The following GIPC2 variants were observed in gnomAD, a reference collection of about 807,000 sequenced individuals.
GIPC2 encodes PDZ domain-containing protein GIPC2.
Under a neutral mutation model 30.6 loss-of-function variants are expected in GIPC2, and 30 were observed. The ratio of observed to expected loss-of-function variants is 0.98; its 90% CI spans 0.73 to 1.33. The LOEUF (loss-of-function observed/expected upper bound fraction) is 1.33, where lower values mean the gene tolerates loss of function less well. Ranked by LOEUF, GIPC2 falls within the 40% of genes most tolerant of loss-of-function variation. The pLI is 0.00. For synonymous variants in GIPC2, 167 were observed against 150.0 expected, an observed-to-expected ratio of 1.11 and a Z score of -0.83; for missense variants, 414 against 390.3, an observed-to-expected ratio of 1.06 and a Z score of -0.51.
intron 3 of GIPC2, among the ~76,000 whole-genome samples, chr1:78,109,919 C>T (rs1319131191): frequency 6.6e-6 from 1 of 152,012 alleles, no homozygotes; most frequent in Non-Finnish European, 1.5e-5. Flanking sequence ...CCATCATTCT[C>T]AGCAAACTGT....
chr1:78,046,287 G>T lies in GIPC2; in HGVS notation c.193G>T (p.Glu65Ter), dbSNP rs1260779770. 1 of 1,612,040 alleles carries T rather than the reference G, an allele frequency of 6.2e-7. No homozygotes were observed. Among genetic ancestry groups the T allele is most frequent in the Non-Finnish European group, 8.5e-7 (1 of 1,179,572 alleles). Residue 65 changes from glutamate (E) to a stop codon, truncating the protein, a stop_gained, in exon 1 of 6, where the codon GAG becomes TAG. Coordinates refer to ENST00000370759, the MANE Select transcript of GIPC2 (RefSeq NM_017655.6). LOFTEE classifies it high-confidence loss of function. ...AGTGGAGGGCTTCTCCAGCATCCAG[G>T]AGCTCTACGCCCAGATCGCGGGCGC... Reference protein sequence around the residue: ...GRVEGFSSIQELYAQIAGAFE... With the variant: ...GRVEGFSSIQ
chr1:78,067,655 G>A (rs952101248), intron 1 of GIPC2, among the ~76,000 whole-genome samples: 3 of 152,134 alleles, frequency 2.0e-5, no homozygotes, highest in Non-Finnish European at 4.4e-5. Context: ...GTTTCACCAT[G>A]TTGGCCATGG....
intron 1 of GIPC2, among the ~76,000 whole-genome samples, chr1:78,075,238 T>G (rs1182509989): frequency 3.3e-5 from 5 of 152,184 alleles, no homozygotes; most frequent in Non-Finnish European, 7.3e-5. Flanking sequence ...GGAGGATCGC[T>G]TAGGCCCACA....
chr1:78,113,003 C>G lies in GIPC2; in HGVS notation c.608-6390C>G, dbSNP rs368103712. Among the ~76,000 whole-genome samples, 45 of 152,222 alleles carry G rather than the reference C, an allele frequency of 3.0e-4. No individual in the cohort carries two copies. In the South Asian group the frequency reaches 8.9e-3, roughly 30 times the overall value. On this transcript the variant is annotated intron_variant, in intron 3 of 5. Coordinates refer to ENST00000370759, the MANE Select transcript of GIPC2 (RefSeq NM_017655.6). ...ATGTAAGAAACCGGCACTCGTACTC[C>G]CGACATGAAAACTAAAAATCAATGT...
intron 2 of GIPC2, among the ~76,000 whole-genome samples, chr1:78,087,502 C>T (rs1661952821): frequency 6.6e-6 from 1 of 152,128 alleles, no homozygotes; most frequent in African/African-American, 2.4e-5. Context: ...GGGGAAGACT[C>T]CCTATTTAAT....
At chr1:78,094,047 A>G (rs1200825126) in intron 2 of GIPC2, among the ~76,000 whole-genome samples, 1 of 152,208 alleles carries the variant, frequency 6.6e-6, no homozygotes, top group Non-Finnish European at 1.5e-5. Context: ...TTGGGGTCCT[A>G]CATTCTGTTC....
chr1:78,052,267 G>A (rs527817071), intron 1 of GIPC2, among the ~76,000 whole-genome samples: 2 of 152,196 alleles, frequency 1.3e-5, no homozygotes, highest in African/African-American at 2.4e-5. Flanking sequence ...TTTCTCCGTA[G>A]CATACTATCC....
chr1:78,094,412 C>A (rs1050493402), intron 2 of GIPC2, among the ~76,000 whole-genome samples: 2 of 152,218 alleles, frequency 1.3e-5, no homozygotes, highest in African/African-American at 2.4e-5. Flanking sequence ...TTGAATCTGG[C>A]AAATTACTTG....
chr1:78,057,260 C>T (rs1661314199), intron 1 of GIPC2, among the ~76,000 whole-genome samples: 1 of 152,142 alleles, frequency 6.6e-6, no homozygotes, highest in Non-Finnish European at 1.5e-5. Flanking sequence ...TACGGTGAAG[C>T]AACTGTGTTT....
Position 78,135,829 on chromosome 1 carries a change from C to T in GIPC2, c.*86C>T, listed in dbSNP as rs1042765650. Reference sequence around the variant, plus strand: ...GTCCTATAAGATCTGTTTTTGGACACCTTTACTAACTCTGGTTTAATTTCA... The same window carrying T: ...GTCCTATAAGATCTGTTTTTGGACATCTTTACTAACTCTGGTTTAATTTCA... On this transcript the variant is annotated 3_prime_UTR_variant, in exon 6 of 6. Transcript: ENST00000370759. The T allele has an allele frequency of 5.0e-6, 5 of 1,001,582 alleles. No individual in the cohort carries two copies. In the African/African-American group the frequency reaches 8.3e-5, roughly 17 times the overall value. 62.0% of individuals were successfully genotyped at this position (1,001,582 alleles called of 1,614,324 possible). A position where few individuals can be genotyped will look rare whatever the true frequency, so the allele number is the denominator to read the frequency against.
intron 1 of GIPC2, among the ~76,000 whole-genome samples, chr1:78,067,211 A>G (rs1311385619): frequency 6.6e-6 from 1 of 152,058 alleles, no homozygotes; most frequent in Admixed American, 6.6e-5. Context: ...TCAGATGGGG[A>G]GGAGGGTTTC....
At chr1:78,122,618 G>C (rs1399278499) in intron 4 of GIPC2, among the ~76,000 whole-genome samples, 2 of 152,158 alleles carry the variant, frequency 1.3e-5, no homozygotes, top group African/African-American at 4.8e-5. Flanking sequence ...CACGAGAACA[G>C]CCTGGGGGAA....
chr1:78,079,380 T>G (rs967061098), intron 1 of GIPC2, among the ~76,000 whole-genome samples: 1 of 152,224 alleles, frequency 6.6e-6, no homozygotes, highest in African/African-American at 2.4e-5. Flanking sequence ...GCTCTTCTGA[T>G]TCAGACACAT....
chr1:78,125,115 C>T (rs912664519), intron 4 of GIPC2, among the ~76,000 whole-genome samples: 5 of 152,146 alleles, frequency 3.3e-5, no homozygotes, highest in Non-Finnish European at 5.9e-5. Context: ...ACTACAGCCT[C>T]GTCATCCTGG....
At chr1:78,132,483 A>G (rs1662917592) in intron 5 of GIPC2, among the ~76,000 whole-genome samples, 1 of 152,148 alleles carries the variant, frequency 6.6e-6, no homozygotes, top group Admixed American at 6.5e-5. Context: ...GGGCATCTTG[A>G]AGCAGCATTT....
At chr1:78,100,337 G>C (rs1662217837) in intron 3 of GIPC2, among the ~76,000 whole-genome samples, 1 of 152,196 alleles carries the variant, frequency 6.6e-6, no homozygotes, top group South Asian at 2.1e-4. Flanking sequence ...GGTAAGCCCT[G>C]TAAGTCAGGG....
chr1:78,087,707 G>A (rs1661956322), intron 2 of GIPC2, among the ~76,000 whole-genome samples: 1 of 152,152 alleles, frequency 6.6e-6, no homozygotes, highest in Non-Finnish European at 1.5e-5. Flanking sequence ...AATGGGCAAA[G>A]ATTTCATGAC....
At position 78,046,107 on chromosome 1, in the gene GIPC2, C is replaced by G; in HGVS notation, c.13C>G (p.Leu5Val). 6.8e-7 allele frequency: 1 copy of G among 1,474,988 alleles called. No individual in the cohort carries two copies. Among genetic ancestry groups the G allele is most frequent in the Non-Finnish European group, 8.9e-7 (1 of 1,117,412 alleles). The allele number at this position is 1,474,988 out of a possible 1,614,324, so 91.4% of individuals were successfully genotyped here. A position where few individuals can be genotyped will look rare whatever the true frequency, so the allele number is the denominator to read the frequency against. MPLK[L>V]RGKKKAKSKE... ...TCGGCCCTGCAAGATGCCCCTGAAG[C>G]TGCGGGGGAAGAAGAAGGCCAAGTC... The change falls in exon 1 of 6, where the codon CTG becomes GTG. Residue 5 changes from leucine (L) to valine (V), a missense_variant. Physicochemically the swap from Leu to Val is conservative, Grantham distance 32. Coordinates refer to ENST00000370759, the MANE Select transcript of GIPC2 (RefSeq NM_017655.6).
intron 4 of GIPC2, 57 bp from the exon 5 acceptor site, chr1:78,125,824 C>A: frequency 1.1e-6 from 1 of 926,450 alleles, no homozygotes; most frequent in Non-Finnish European, 1.8e-6. Flanking sequence ...TTGTGTATGC[C>A]CTGACAATCA....
Sources: allele counts gnomAD v4.1 joint callset (sites outside exome capture counted in the v4.1 genomes callset), GRCh38; gene constraint gnomAD v4.1.1; transcripts MANE v1.5; gene names NCBI Gene and HGNC (gene_info 2026-07-23, HGNC 2026-07-21).